Variants in GFOD2 observed in about 807,000 individuals in gnomAD.
GFOD2 encodes the protein Gfo/Idh/MocA-like oxidoreductase domain containing 2, also known as glucose-fructose oxidoreductase domain-containing protein 2.
In GFOD2, 9 loss-of-function variants were observed where a neutral mutation model predicts 24.6. The observed-to-expected ratio is 0.37, with a 90% CI of 0.22 to 0.64. GFOD2 has a LOEUF of 0.64. Ranked by LOEUF, GFOD2 falls within the 30% of genes least tolerant of loss-of-function variation. GFOD2 has a pLI of 0.65. For synonymous variants in GFOD2, 211 were observed against 224.8 expected (o/e 0.94, Z 0.55); for missense variants, 476 against 532.5 (o/e 0.89, Z 1.04).
intron 1 of GFOD2, among the ~76,000 whole-genome samples, chr16:67,713,671 T>C (rs1326196274): frequency 6.6e-6 from 1 of 152,144 alleles, no homozygotes; most frequent in Non-Finnish European, 1.5e-5. Context: ...AGAAGGTGCA[T>C]AGGGCAAGGT....
intron 2 of GFOD2, chr16:67,682,063 A>T (rs1451126062): frequency 4.9e-6 from 1 of 204,248 alleles, no homozygotes; most frequent in Non-Finnish European, 8.6e-6. Context: ...TTTGAGATGG[A>T]GTCTCGCTCT....
At chr16:67,707,191 T>C (rs1351395224) in intron 1 of GFOD2, among the ~76,000 whole-genome samples, 3 of 151,920 alleles carry the variant, frequency 2.0e-5, no homozygotes, top group African/African-American at 4.8e-5. Flanking sequence ...AAACCCCATG[T>C]CTACTGAAAA....
At chr16:67,694,827 G>A (rs576040184) in intron 1 of GFOD2, among the ~76,000 whole-genome samples, 4 of 152,082 alleles carry the variant, frequency 2.6e-5, no homozygotes, top group East Asian at 1.9e-4. Context: ...TGCCAATTTC[G>A]TGCCTCTTGT....
chr16:67,688,121 G>C (rs2053282294), intron 1 of GFOD2, among the ~76,000 whole-genome samples: 1 of 152,134 alleles, frequency 6.6e-6, no homozygotes, highest in Non-Finnish European at 1.5e-5. Flanking sequence ...CCATGAAGTA[G>C]AAGGCCCTCA....
intron 1 of GFOD2, among the ~76,000 whole-genome samples, chr16:67,688,733 A>AC (rs2053286731): frequency 2.1e-5 from 3 of 142,850 alleles, no homozygotes; most frequent in African/African-American, 7.9e-5. Flanking sequence ...CATAAAATTT[A>AC]CTTTTTTTTT....
chr16:67,693,427 T>C (rs1221341401), intron 1 of GFOD2, among the ~76,000 whole-genome samples: 2 of 152,052 alleles, frequency 1.3e-5, no homozygotes, highest in East Asian at 1.9e-4. Context: ...CTGCTAATCA[T>C]ACCTGGCTAA....
intron 1 of GFOD2, among the ~76,000 whole-genome samples, chr16:67,709,962 T>G (rs2053462237): frequency 6.7e-6 from 1 of 150,322 alleles, no homozygotes; most frequent in Non-Finnish European, 1.5e-5. Flanking sequence ...TTTTATTTTT[T>G]GGGGACAGAG....
intron 1 of GFOD2, among the ~76,000 whole-genome samples, chr16:67,718,106 G>C (rs1365964349): frequency 6.6e-6 from 1 of 152,126 alleles, no homozygotes; most frequent in Non-Finnish European, 1.5e-5. Context: ...TAGCTTCCCC[G>C]ACTCAAAAAC....
At chr16:67,681,423 T>C (rs745964183) in intron 2 of GFOD2, 1 of 984,568 alleles carries the variant, frequency 1.0e-6, no homozygotes, top group African/African-American at 1.7e-5. Context: ...TGAAAAATAG[T>C]CTGTTTTTGT....
intron 2 of GFOD2, chr16:67,683,151 G>T: frequency 1.1e-6 from 1 of 933,456 alleles, no homozygotes; most frequent in South Asian, 5.0e-5. Context: ...TTGTAGAGAC[G>T]GGATCCCACT....
intron 1 of GFOD2, among the ~76,000 whole-genome samples, chr16:67,703,942 T>C (rs2053421302): frequency 6.6e-6 from 1 of 152,206 alleles, no homozygotes. Context: ...TCATACAGTA[T>C]GTGTGCTTCT....
intron 2 of GFOD2, among the ~76,000 whole-genome samples, chr16:67,679,543 C>G (rs927319992): frequency 6.6e-6 from 1 of 152,064 alleles, no homozygotes; most frequent in Non-Finnish European, 1.5e-5. Flanking sequence ...TAAATAATTT[C>G]TATGTTCTGT....
chr16:67,695,737 T>C (rs2053353910), intron 1 of GFOD2, among the ~76,000 whole-genome samples: 1 of 151,768 alleles, frequency 6.6e-6, no homozygotes, highest in African/African-American at 2.4e-5. Flanking sequence ...GGTTTCACTA[T>C]ATTGGCCAGG....
At chr16:67,693,364 C>T (rs959141614) in intron 1 of GFOD2, among the ~76,000 whole-genome samples, 9 of 152,002 alleles carry the variant, frequency 5.9e-5, no homozygotes, top group Non-Finnish European at 1.3e-4. Flanking sequence ...CTGCAACCTC[C>T]GCCTCCTGGG....
chr16:67,682,955 G>T, intron 2 of GFOD2: 1 of 459,398 alleles, frequency 2.2e-6, no homozygotes, highest in Non-Finnish European at 2.9e-6. Context: ...TGGGGCCTGA[G>T]AATTTAGATT....
rs12449157 is a variant in GFOD2 at position 67,674,994 on chromosome 16, A to C, written c.*161T>G. On this transcript the variant is annotated 3_prime_UTR_variant, in exon 3 of 3. Transcript: ENST00000268797. Reference sequence around the variant, plus strand: ...GCCACCCTGCAAGTCTGAGGAGCAGATGAGCCACTGGAGGGGGCGAAGTCC... The same window carrying C: ...GCCACCCTGCAAGTCTGAGGAGCAGCTGAGCCACTGGAGGGGGCGAAGTCC... 1.3e-5 allele frequency: 10 copies of C among 757,736 alleles called. No homozygotes were observed. Among genetic ancestry groups the C allele is most frequent in the Non-Finnish European group, 1.5e-5 (7 of 467,046 alleles). The allele number at this position is 757,736 out of a possible 1,614,324, so 46.9% of individuals were successfully genotyped here.
At chr16:67,699,558 A>C (rs2053385019) in intron 1 of GFOD2, among the ~76,000 whole-genome samples, 1 of 151,928 alleles carries the variant, frequency 6.6e-6, no homozygotes, top group Non-Finnish European at 1.5e-5. Context: ...ATCTCGGCTT[A>C]CTGCAACCTC....
At chr16:67,677,980 C>T (rs2053195234) in intron 2 of GFOD2, 1 of 152,060 alleles carries the variant, frequency 6.6e-6, no homozygotes. Context: ...CTCAGGCCCC[C>T]AAACATTTTC....
intron 2 of GFOD2, among the ~76,000 whole-genome samples, chr16:67,680,246 G>A (rs2053215183): frequency 6.6e-6 from 1 of 152,182 alleles, no homozygotes; most frequent in Non-Finnish European, 1.5e-5. Flanking sequence ...CAGGCTGGGT[G>A]AGGTGGCTCA....
Sources: gnomAD v4.1 joint callset for allele counts (sites outside exome capture counted in the v4.1 genomes callset) on GRCh38, gnomAD v4.1.1 for gene constraint, MANE v1.5 for transcripts, NCBI Gene and HGNC (gene_info 2026-07-23, HGNC 2026-07-21) for gene names.